C12orf42: variants seen among roughly 807,000 people sequenced by gnomAD.
The protein encoded by C12orf42 is chromosome 12 open reading frame 42, also known as uncharacterized protein C12orf42.
In C12orf42, 25 loss-of-function variants were observed where a neutral mutation model predicts 21.6. The ratio of observed to expected loss-of-function variants is 1.16; its 90% CI spans 0.84 to 1.62. C12orf42 has a LOEUF of 1.62. Ranked by LOEUF, C12orf42 falls within the 40% of genes most tolerant of loss-of-function variation. C12orf42 has a pLI of 0.00. For missense variants in C12orf42, 483 were observed against 459.3 expected (o/e 1.05, Z -0.47); for synonymous variants, 174 against 175.0 (o/e 0.99, Z 0.05).
At chr12:103,438,949 A>G (rs1288818089) in intron 2 of C12orf42, among the ~76,000 whole-genome samples, 5 of 152,348 alleles carry the variant, frequency 3.3e-5, no homozygotes, top group Non-Finnish European at 7.3e-5. Flanking sequence ...CGCATCGCCA[A>G]GGCAATCATA....
the C12orf42 span, among the ~76,000 whole-genome samples, chr12:103,111,593 A>G: frequency 2.6e-5 from 4 of 152,216 alleles, no homozygotes; most frequent in Non-Finnish European, 5.9e-5. Flanking sequence ...GAAATGGTAG[A>G]CAGATTCAAA....
chr12:103,098,842 T>C, the C12orf42 span, among the ~76,000 whole-genome samples: 1 of 152,232 alleles, frequency 6.6e-6, no homozygotes, highest in Non-Finnish European at 1.5e-5. Context: ...AAAACCATCA[T>C]GCTATCCTAC....
the C12orf42 span, among the ~76,000 whole-genome samples, chr12:103,111,633 G>A: frequency 6.6e-6 from 1 of 152,104 alleles, no homozygotes; most frequent in Non-Finnish European, 1.5e-5. Context: ...TTCTTTCAGG[G>A]CAGCTCCTCA....
At chr12:103,430,201 G>A (rs1456037135) in intron 2 of C12orf42, among the ~76,000 whole-genome samples, 1 of 151,974 alleles carries the variant, frequency 6.6e-6, no homozygotes, top group East Asian at 2.0e-4. Context: ...GAAAATTTTT[G>A]AAATCTATCC....
At chr12:103,167,486 T>C in the C12orf42 span, among the ~76,000 whole-genome samples, 1 of 152,186 alleles carries the variant, frequency 6.6e-6, no homozygotes, top group Non-Finnish European at 1.5e-5. Context: ...AGTCTTTTAT[T>C]GAACTCACTG....
At chr12:103,427,794 C>A (rs536545026) in intron 2 of C12orf42, among the ~76,000 whole-genome samples, 2 of 152,312 alleles carry the variant, frequency 1.3e-5, no homozygotes, top group South Asian at 4.1e-4. Flanking sequence ...ACAGTGCAAT[C>A]AAATTAGAAC....
the C12orf42 span, among the ~76,000 whole-genome samples, chr12:103,506,887 T>A: frequency 1.2e-4 from 3 of 25,776 alleles, no homozygotes; most frequent in African/African-American, 2.0e-4. Flanking sequence ...TATTATATAT[T>A]AAATATATAT....
chr12:103,082,361 T>C, the C12orf42 span, among the ~76,000 whole-genome samples: 6 of 152,334 alleles, frequency 3.9e-5, no homozygotes, highest in East Asian at 1.2e-3. Flanking sequence ...ATGATTACGC[T>C]ACAATAATTA....
chr12:103,154,901 C>A, the C12orf42 span, among the ~76,000 whole-genome samples: 3 of 152,126 alleles, frequency 2.0e-5, 1 homozygote, highest in Admixed American at 2.0e-4. Context: ...GGCTTTGGCT[C>A]TACTTTACAT....
the C12orf42 span, among the ~76,000 whole-genome samples, chr12:103,508,578 C>T: frequency 2.4e-3 from 364 of 152,334 alleles, 11 homozygotes; most frequent in South Asian, 0.053. Context: ...AATGTTACCC[C>T]TCTCTGAAAT....
the C12orf42 span, among the ~76,000 whole-genome samples, chr12:103,176,161 C>T: frequency 6.6e-6 from 1 of 152,098 alleles, no homozygotes; most frequent in African/African-American, 2.4e-5. Context: ...CATCTCATCC[C>T]ACCACTATTA....
At chr12:103,415,702 A>T (rs2139006483) in intron 2 of C12orf42, among the ~76,000 whole-genome samples, 1 of 152,310 alleles carries the variant, frequency 6.6e-6, no homozygotes, top group South Asian at 2.1e-4. Context: ...TTACAGTAAC[A>T]TATGCTTTCA....
the C12orf42 span, among the ~76,000 whole-genome samples, chr12:103,209,473 C>T: frequency 6.6e-6 from 1 of 152,154 alleles, no homozygotes; most frequent in Non-Finnish European, 1.5e-5. Flanking sequence ...TCTCTGATTG[C>T]TCTTTGTTAA....
the C12orf42 span, among the ~76,000 whole-genome samples, chr12:103,215,351 T>TA: frequency 6.6e-6 from 1 of 152,122 alleles, no homozygotes; most frequent in African/African-American, 2.4e-5. Flanking sequence ...CAAGTATTAA[T>TA]AAAAATCTGA....
the C12orf42 span, among the ~76,000 whole-genome samples, chr12:103,188,923 G>A: frequency 6.6e-6 from 1 of 152,168 alleles, no homozygotes; most frequent in Non-Finnish European, 1.5e-5. Context: ...TATGAAAGAA[G>A]TCAGTCTTAA....
At chr12:103,123,910 T>C in the C12orf42 span, among the ~76,000 whole-genome samples, 1 of 151,980 alleles carries the variant, frequency 6.6e-6, no homozygotes, top group Non-Finnish European at 1.5e-5. Context: ...TTTTAGAGTG[T>C]GCAAAACACT....
intron 4 of C12orf42, among the ~76,000 whole-genome samples, chr12:103,322,349 T>C (rs1443817688): frequency 6.6e-6 from 1 of 152,144 alleles, no homozygotes; most frequent in Non-Finnish European, 1.5e-5. Context: ...ACTCCTTTGA[T>C]GGATTTTTTT....
chr12:103,075,834 T>G, the C12orf42 span, among the ~76,000 whole-genome samples: 8 of 152,168 alleles, frequency 5.3e-5, no homozygotes, highest in African/African-American at 1.7e-4. Flanking sequence ...ACCATAATTA[T>G]TAAGACTCTA....
chr12:103,362,567 A>T (rs1023870947), intron 4 of C12orf42, among the ~76,000 whole-genome samples: 1 of 152,130 alleles, frequency 6.6e-6, no homozygotes. Context: ...CACCAGAAAA[A>T]GGTGAAGTCC....
Sources: allele counts gnomAD v4.1 joint callset (sites outside exome capture counted in the v4.1 genomes callset), GRCh38; gene constraint gnomAD v4.1.1; transcripts MANE v1.5; gene names NCBI Gene and HGNC (gene_info 2026-07-23, HGNC 2026-07-21).